The following GSK3B variants were observed in gnomAD, a reference collection of about 807,000 sequenced individuals.
GSK3B encodes glycogen synthase kinase-3 beta.
A neutral mutation model predicts 56.4 loss-of-function variants in GSK3B; 15 were observed. The observed-to-expected ratio is 0.27, with a 90% confidence interval of 0.18 to 0.41. The LOEUF (loss-of-function observed/expected upper bound fraction) is 0.41, where lower values mean the gene tolerates loss of function less well. Ranked by LOEUF, GSK3B falls within the 10% of genes least tolerant of loss-of-function variation. The pLI is 1.00. For missense variants in GSK3B, 300 were observed against 513.4 expected (o/e 0.58, Z 4.02); for synonymous variants, 181 against 188.9 (o/e 0.96, Z 0.34).
intron 6 of GSK3B, among the ~76,000 whole-genome samples, chr3:119,909,070 G>C (rs909905883): frequency 2.0e-5 from 3 of 152,190 alleles, no homozygotes; most frequent in Non-Finnish European, 2.9e-5. Context: ...CCGAGCTGGA[G>C]TGCAGTGGTG....
At chr3:120,089,479 G>A (rs1446629486) in intron 1 of GSK3B, among the ~76,000 whole-genome samples, 1 of 152,142 alleles carries the variant, frequency 6.6e-6, no homozygotes, top group Non-Finnish European at 1.5e-5. Flanking sequence ...AAACTTCCCA[G>A]GGGAATACGG....
chr3:120,083,723 A>G (rs2058441145), intron 1 of GSK3B, among the ~76,000 whole-genome samples: 1 of 152,244 alleles, frequency 6.6e-6, no homozygotes, highest in Non-Finnish European at 1.5e-5. Context: ...TCACAGCAGC[A>G]TATTCATACT....
At position 119,826,602 on chromosome 3, in the gene GSK3B, A is replaced by G. The variant is rs1210203907; in HGVS notation, c.*186T>C. Reference sequence around the variant, plus strand: ...TCCCTCAAAGTGAGAATACAATGAAATTGGTTTGTATTTATAGATATTTTA... The same window carrying G: ...TCCCTCAAAGTGAGAATACAATGAAGTTGGTTTGTATTTATAGATATTTTA... On this transcript the variant is annotated 3_prime_UTR_variant, in exon 11 of 11. Transcript: ENST00000264235. 1 of 688,298 alleles carries G rather than the reference A, an allele frequency of 1.5e-6. No individual in the cohort carries two copies. The highest frequency in any genetic ancestry group is 2.0e-5 in the Admixed American group (1 of 49,254). 42.6% of individuals were successfully genotyped at this position (688,298 alleles called of 1,614,324 possible).
At chr3:119,955,152 T>C in intron 2 of GSK3B, among the ~76,000 whole-genome samples, 1 of 151,630 alleles carries the variant, frequency 6.6e-6, no homozygotes, top group Middle Eastern at 3.4e-3. Flanking sequence ...TCCTTAGTCA[T>C]CATAAGACTC....
intron 2 of GSK3B, among the ~76,000 whole-genome samples, chr3:119,953,050 A>G (rs2057173946): frequency 6.6e-6 from 1 of 152,214 alleles, no homozygotes; most frequent in Admixed American, 6.5e-5. Context: ...ATATAAGGCA[A>G]TAACAGCAAA....
At chr3:120,068,632 G>A (rs899782393) in intron 1 of GSK3B, among the ~76,000 whole-genome samples, 22 of 151,622 alleles carry the variant, frequency 1.5e-4, no homozygotes, top group South Asian at 4.2e-4. Flanking sequence ...TCCGGGAGGC[G>A]GAGGTTGCAG....
At chr3:120,008,046 C>T (rs963705111) in intron 1 of GSK3B, among the ~76,000 whole-genome samples, 1 of 152,304 alleles carries the variant, frequency 6.6e-6, no homozygotes, top group African/African-American at 2.4e-5. Context: ...TCTCAGGACA[C>T]AAAATCAATG....
intron 7 of GSK3B, among the ~76,000 whole-genome samples, chr3:119,899,926 A>G (rs2056609346): frequency 6.6e-6 from 1 of 152,094 alleles, no homozygotes; most frequent in Admixed American, 6.6e-5. Context: ...TGGCTCCCAT[A>G]GCACAATCAA....
intron 2 of GSK3B, among the ~76,000 whole-genome samples, chr3:119,971,631 AGACG>A (rs2057367985): frequency 1.4e-4 from 2 of 14,170 alleles, no homozygotes; most frequent in African/African-American, 1.4e-3. Context: ...TTTTTTTTTG[AGACG>A]GAGTCTCGCT....
intron 1 of GSK3B, among the ~76,000 whole-genome samples, chr3:120,065,123 T>A (rs1229359610): frequency 2.0e-5 from 3 of 152,076 alleles, no homozygotes; most frequent in Non-Finnish European, 2.9e-5. Flanking sequence ...AACAGGAACA[T>A]TCAACTTCAT....
intron 9 of GSK3B, among the ~76,000 whole-genome samples, chr3:119,862,524 TAAAAAAA>T (rs5852229): frequency 5.4e-5 from 6 of 111,870 alleles, no homozygotes; most frequent in African/African-American, 1.1e-4. Context: ...TAGAGTATAA[TAAAAAAA>T]AAAAAAAAAA....
At chr3:120,059,564 C>G (rs1046527004) in intron 1 of GSK3B, among the ~76,000 whole-genome samples, 3 of 152,150 alleles carry the variant, frequency 2.0e-5, no homozygotes, top group African/African-American at 7.2e-5. Context: ...TTCCGAATTC[C>G]AAAGGAATAT....
chr3:119,863,664 T>G, intron 8 of GSK3B, 59 bp from the exon 9 acceptor site: 1 of 1,041,124 alleles, frequency 9.6e-7, no homozygotes, highest in Non-Finnish European at 1.5e-6. Flanking sequence ...TCTAAGCAAA[T>G]ACCCTGTGAA....
chr3:120,066,102 C>T lies in GSK3B; in HGVS notation c.88+27245G>A, dbSNP rs574844776. Among the ~76,000 whole-genome samples, 7 of 152,238 alleles carry T rather than the reference C, an allele frequency of 4.6e-5. 1 individual carries two copies. The South Asian group carries it at 8.3e-4, about 18-fold the overall frequency. ...AAAATCGTTCAAGTAGTCAATACAA[C>T]GCTATATGTATTTTCACACAATTTT... On this transcript the variant is annotated intron_variant, in intron 1 of 10. Coordinates refer to ENST00000264235, the MANE Select transcript of GSK3B (RefSeq NM_001146156.2).
At chr3:119,988,619 T>C (rs1298326041) in intron 2 of GSK3B, among the ~76,000 whole-genome samples, 1 of 152,178 alleles carries the variant, frequency 6.6e-6, no homozygotes, top group Admixed American at 6.5e-5. Context: ...TTCTGGTCTA[T>C]GGTAAGTAAA....
At chr3:119,906,499 T>A (rs1040985344) in intron 6 of GSK3B, among the ~76,000 whole-genome samples, 4 of 152,056 alleles carry the variant, frequency 2.6e-5, no homozygotes, top group African/African-American at 9.7e-5. Flanking sequence ...TTAACTCAAT[T>A]AATACACTTT....
intron 1 of GSK3B, among the ~76,000 whole-genome samples, chr3:120,058,345 C>G (rs975179060): frequency 6.6e-6 from 1 of 152,088 alleles, no homozygotes; most frequent in African/African-American, 2.4e-5. Context: ...TTTTTCCCCT[C>G]CAAACTAAGT....
chr3:119,886,421 A>G (rs575599813), intron 7 of GSK3B, among the ~76,000 whole-genome samples: 2 of 152,180 alleles, frequency 1.3e-5, no homozygotes, highest in Non-Finnish European at 2.9e-5. Context: ...AGAAAAGGGA[A>G]CACTTATATG....
At chr3:119,909,862 T>C (rs146252933) in intron 6 of GSK3B, among the ~76,000 whole-genome samples, 3,382 of 152,118 alleles carry the variant, frequency 0.022, 102 homozygotes, top group African/African-American at 0.077. Context: ...GGGTGAAGAC[T>C]TGAGAAGGTC....
Sources: gnomAD v4.1 joint callset for allele counts (sites outside exome capture counted in the v4.1 genomes callset) on GRCh38, gnomAD v4.1.1 for gene constraint, MANE v1.5 for transcripts, NCBI Gene and HGNC (gene_info 2026-07-23, HGNC 2026-07-21) for gene names.